CSMD1: variants seen among roughly 807,000 people sequenced by gnomAD.
CSMD1 encodes the protein CUB and sushi domain-containing protein 1.
Under a neutral mutation model 417.5 loss-of-function variants are expected in CSMD1, and 213 were observed. The observed-to-expected ratio is 0.51, with a 90% confidence interval of 0.46 to 0.57. CSMD1 has a LOEUF of 0.57. CSMD1 is among the 20% of genes least tolerant of loss of function. CSMD1 has a pLI of 0.00. For missense variants in CSMD1, 6,923 were observed against 4,529.7 expected (o/e 1.53, Z -15.17); for synonymous variants, 2,862 against 1,736.8 (o/e 1.65, Z -16.11).
chr8:4,557,770 C>T (rs1798160472), intron 2 of CSMD1, among the ~76,000 whole-genome samples: 1 of 123,590 alleles, frequency 8.1e-6, no homozygotes, highest in African/African-American at 3.4e-5. Context: ...ATTAAGATGG[C>T]ACGTAAGTCT....
At chr8:4,041,130 C>T (rs1227949991) in intron 3 of CSMD1, among the ~76,000 whole-genome samples, 15 of 150,482 alleles carry the variant, frequency 1.0e-4, no homozygotes, top group East Asian at 2.0e-4. Flanking sequence ...CATTCTCCTG[C>T]CTCAGCCTCC....
chr8:3,243,946 AC>A (rs1799713954), intron 26 of CSMD1, among the ~76,000 whole-genome samples: 1 of 152,182 alleles, frequency 6.6e-6, no homozygotes, highest in Non-Finnish European at 1.5e-5. Context: ...TTATTTGTTG[AC>A]CGAGGTATTA....
At chr8:3,308,276 G>A (rs570048661) in intron 24 of CSMD1, 36 bp downstream of exon 24, 42 of 1,550,322 alleles carry the variant, frequency 2.7e-5, no homozygotes, top group Non-Finnish European at 3.5e-5. Context: ...CTAAGGCCTG[G>A]CTTTTGCACA....
intron 50 of CSMD1, among the ~76,000 whole-genome samples, chr8:3,050,206 C>G (rs1585228622): frequency 6.6e-6 from 1 of 151,540 alleles, no homozygotes; most frequent in Admixed American, 6.6e-5. Context: ...TTAAATCTCT[C>G]TAGAGTATTT....
At chr8:4,010,791 G>A (rs942220029) in intron 4 of CSMD1, among the ~76,000 whole-genome samples, 1 of 152,086 alleles carries the variant, frequency 6.6e-6, no homozygotes, top group Non-Finnish European at 1.5e-5. Context: ...CCATAACTCT[G>A]CCATCATCAC....
At position 4,868,980 on chromosome 8, in the gene CSMD1, A is replaced by C. The variant is rs544983624; in HGVS notation, c.85+125352T>G. On this transcript the variant is annotated intron_variant, in intron 1 of 69. Coordinates refer to ENST00000635120, the MANE Select transcript of CSMD1 (RefSeq NM_033225.6). ...TATACACACAGAGACATACAAATAGAATAGATGATATAAAGATAATATATA... is the reference window on the plus strand; with the variant it reads ...TATACACACAGAGACATACAAATAGCATAGATGATATAAAGATAATATATA... Among the ~76,000 whole-genome samples, 111 of 152,068 alleles carry C rather than the reference A, an allele frequency of 7.3e-4. 4 individuals are homozygous for C. The highest frequency in any genetic ancestry group is 2.5e-3 in the African/African-American group (105 of 41,448).
chr8:4,228,457 G>GCAGCAC (rs1463915675), intron 3 of CSMD1, among the ~76,000 whole-genome samples: 1 of 152,094 alleles, frequency 6.6e-6, no homozygotes, highest in Admixed American at 6.6e-5. Flanking sequence ...TCACCTGAAA[G>GCAGCAC]CAGCACCACA....
chr8:3,368,810 T>G lies in CSMD1; in HGVS notation c.2899+444A>C, dbSNP rs114520762. On this transcript the variant is annotated intron_variant, in intron 19 of 69. Transcript: ENST00000635120. Reference sequence around the variant, plus strand: ...AAATATCTATTCTATGAGCCATCTCTGGATTATGTGAAGATAAATTATTCA... The same window carrying G: ...AAATATCTATTCTATGAGCCATCTCGGGATTATGTGAAGATAAATTATTCA... Among the ~76,000 whole-genome samples, 1,336 of 152,374 alleles carry G rather than the reference T, an allele frequency of 8.8e-3. 22 individuals are homozygous for G. Among genetic ancestry groups the G allele is most frequent in the African/African-American group, 0.031 (1,277 of 41,578 alleles).
chr8:4,484,140 G>T (rs1480232798), intron 2 of CSMD1, among the ~76,000 whole-genome samples: 1 of 151,652 alleles, frequency 6.6e-6, no homozygotes, highest in Non-Finnish European at 1.5e-5. Context: ...AAGGCTAGAA[G>T]GATTTGTGGA....
chr8:4,577,666 C>G (rs1326778324), intron 2 of CSMD1, among the ~76,000 whole-genome samples: 1 of 152,162 alleles, frequency 6.6e-6, no homozygotes, highest in Non-Finnish European at 1.5e-5. Context: ...GAAAGCTTCC[C>G]CTGAATGCTA....
At chr8:4,841,616 G>A (rs1384074891) in intron 1 of CSMD1, among the ~76,000 whole-genome samples, 2 of 151,970 alleles carry the variant, frequency 1.3e-5, no homozygotes, top group Non-Finnish European at 2.9e-5. Flanking sequence ...TAATCATATA[G>A]AAGTTCAGAA....
intron 54 of CSMD1, among the ~76,000 whole-genome samples, chr8:2,991,942 A>C (rs1806422827): frequency 6.6e-6 from 1 of 152,214 alleles, no homozygotes; most frequent in African/African-American, 2.4e-5. Flanking sequence ...GTTATTTCCT[A>C]CTCTACTGTC....
chr8:4,222,916 C>G (rs924863), intron 3 of CSMD1, among the ~76,000 whole-genome samples: 152,147 of 152,330 alleles, frequency 1, 75,982 homozygotes, highest in Non-Finnish European at 1. Context: ...TTATGCAAAG[C>G]GTTTATAATC....
At chr8:3,295,351 C>T (rs934315402) in intron 25 of CSMD1, among the ~76,000 whole-genome samples, 13 of 152,028 alleles carry the variant, frequency 8.6e-5, no homozygotes, top group African/African-American at 7.3e-5. Flanking sequence ...AGGTCTCGAT[C>T]TCCTGACCTT....
rs548553140 is a variant in CSMD1, at chr8:4,687,257, C to G, written c.86-49699G>C. Among the ~76,000 whole-genome samples the G allele has an allele frequency of 3.3e-5, 5 of 152,256 alleles. No individual in the cohort carries two copies. In the South Asian group the frequency reaches 1.0e-3, roughly 32 times the overall value. The stretch of plus-strand genomic sequence containing the variant: ...CCCTGGTAGCCACAGGATGCTGGCA[C>G]TATCAGATGAAGGAGGACAAGGAGC... On this transcript the variant is annotated intron_variant, in intron 1 of 69. Coordinates refer to ENST00000635120, the MANE Select transcript of CSMD1 (RefSeq NM_033225.6).
intron 30 of CSMD1, among the ~76,000 whole-genome samples, chr8:3,213,069 C>T (rs896213359): frequency 6.6e-6 from 1 of 151,998 alleles, no homozygotes; most frequent in African/African-American, 2.4e-5. Context: ...TCAGGTGATC[C>T]ACCCACGTCA....
intron 8 of CSMD1, among the ~76,000 whole-genome samples, chr8:3,591,946 G>A (rs887647281): frequency 6.6e-6 from 1 of 152,136 alleles, no homozygotes; most frequent in African/African-American, 2.4e-5. Context: ...TAGATACACA[G>A]ATGCATGGAT....
At chr8:4,194,025 G>A (rs778298268) in intron 3 of CSMD1, among the ~76,000 whole-genome samples, 5 of 151,908 alleles carry the variant, frequency 3.3e-5, no homozygotes, top group Admixed American at 2.0e-4. Flanking sequence ...TGATATTTAA[G>A]GCATGATATT....
intron 2 of CSMD1, among the ~76,000 whole-genome samples, chr8:4,564,446 G>C (rs992293084): frequency 1.3e-5 from 2 of 152,190 alleles, no homozygotes; most frequent in Non-Finnish European, 2.9e-5. Context: ...AGGGGATCTA[G>C]TGTCTGGTGA....
Sources: allele counts gnomAD v4.1 joint callset (sites outside exome capture counted in the v4.1 genomes callset), GRCh38; gene constraint gnomAD v4.1.1; transcripts MANE v1.5; gene names NCBI Gene and HGNC (gene_info 2026-07-23, HGNC 2026-07-21).